Variants in EYS observed in about 807,000 individuals in gnomAD.
EYS encodes protein eyes shut homolog.
In EYS, 250 loss-of-function variants were observed where a neutral mutation model predicts 282.1. The observed-to-expected ratio is 0.89, with a 90% CI of 0.80 to 0.98. The LOEUF is 0.98. Among genes scored for constraint, EYS ranks in the 50% least tolerant of loss-of-function variants. The pLI is 0.00. For synonymous variants in EYS, 1,355 were observed against 1,282.9 expected, an observed-to-expected ratio of 1.06 and a Z score of -1.20; for missense variants, 4,016 against 3,709.0, an observed-to-expected ratio of 1.08 and a Z score of -2.15.
intron 12 of EYS, among the ~76,000 whole-genome samples, chr6:65,121,525 A>C (rs1439937821): frequency 6.6e-6 from 1 of 152,152 alleles, no homozygotes; most frequent in Non-Finnish European, 1.5e-5. Context: ...TTTGTGAAAA[A>C]ACATGTCAAT....
intron 11 of EYS, among the ~76,000 whole-genome samples, chr6:65,302,282 T>C (rs1292037057): frequency 6.6e-6 from 1 of 152,206 alleles, no homozygotes; most frequent in Non-Finnish European, 1.5e-5. Context: ...TTCATTATTA[T>C]TAATTCATGG....
chr6:65,050,131 A>G (rs1489758162), intron 13 of EYS, among the ~76,000 whole-genome samples: 1 of 151,492 alleles, frequency 6.6e-6, no homozygotes, highest in Non-Finnish European at 1.5e-5. Flanking sequence ...TCTAAAATAA[A>G]AATAAGAGAA....
chr6:63,950,367 A>G (rs180797336), intron 35 of EYS, among the ~76,000 whole-genome samples: 40 of 151,996 alleles, frequency 2.6e-4, no homozygotes, highest in African/African-American at 9.4e-4. Flanking sequence ...CTGGCTCAGA[A>G]GCTCCCCCAC....
In EYS at chr6:65,378,846, G is replaced by A. The variant is rs866070865; in HGVS notation, c.1299+5540C>T. On this transcript the variant is annotated intron_variant, in intron 8 of 42. Coordinates refer to ENST00000503581, the MANE Select transcript of EYS (RefSeq NM_001142800.2). ...GGGAGTTGAACAATGAGAACACATG[G>A]AGACAGGGAGGGGAACATCACACAC... Among the ~76,000 whole-genome samples the A allele has an allele frequency of 8.2e-4, 124 of 152,130 alleles. 1 individual carries two copies. Among genetic ancestry groups the A allele is most frequent in the African/African-American group, 2.9e-3 (119 of 41,502 alleles).
At chr6:65,410,938 A>G (rs1038623323) in intron 5 of EYS, among the ~76,000 whole-genome samples, 2 of 152,022 alleles carry the variant, frequency 1.3e-5, no homozygotes, top group African/African-American at 4.8e-5. Context: ...AAAATAAATG[A>G]GTTTTATATT....
At chr6:64,575,209 A>C (rs1026084355) in intron 26 of EYS, among the ~76,000 whole-genome samples, 1 of 152,112 alleles carries the variant, frequency 6.6e-6, no homozygotes, top group African/African-American at 2.4e-5. Context: ...TCCACATGAA[A>C]ATATGGATTG....
intron 19 of EYS, among the ~76,000 whole-genome samples, chr6:64,834,288 G>C (rs1252298669): frequency 6.6e-6 from 1 of 151,818 alleles, no homozygotes; most frequent in East Asian, 1.9e-4. Context: ...GGCACAATAT[G>C]TTAGCACAAC....
chr6:64,899,887 A>T (rs1767598184), intron 18 of EYS, among the ~76,000 whole-genome samples: 2 of 152,152 alleles, frequency 1.3e-5, no homozygotes, highest in Admixed American at 1.3e-4. Context: ...ACTACTTTAA[A>T]TTTCGTATGG....
At chr6:64,839,815 C>T (rs1765506954) in intron 19 of EYS, among the ~76,000 whole-genome samples, 1 of 152,088 alleles carries the variant, frequency 6.6e-6, no homozygotes. Flanking sequence ...GATGGAAGGA[C>T]AAATAGGAAG....
intron 11 of EYS, among the ~76,000 whole-genome samples, chr6:65,333,500 G>A (rs1255412128): frequency 6.6e-6 from 1 of 151,546 alleles, no homozygotes; most frequent in Non-Finnish European, 1.5e-5. Context: ...ATTTAAGAAG[G>A]TTATTCTGCT....
At chr6:64,386,298 T>C (rs1375140278) in intron 29 of EYS, among the ~76,000 whole-genome samples, 1 of 152,188 alleles carries the variant, frequency 6.6e-6, no homozygotes, top group Non-Finnish European at 1.5e-5. Flanking sequence ...GGGTAATTGA[T>C]AAAGGAAAGA....
At chr6:64,155,828 G>T (rs1033583508) in intron 31 of EYS, among the ~76,000 whole-genome samples, 1 of 151,754 alleles carries the variant, frequency 6.6e-6, no homozygotes, top group African/African-American at 2.4e-5. Context: ...GATTACTGAG[G>T]TTCCTTGTGT....
intron 22 of EYS, among the ~76,000 whole-genome samples, chr6:64,780,168 T>C (rs1199162989): frequency 2.6e-5 from 4 of 152,180 alleles, no homozygotes; most frequent in Non-Finnish European, 4.4e-5. Flanking sequence ...ATGACATATG[T>C]AAATGAAGCA....
In EYS at chr6:65,062,853, A is replaced by G. The variant is rs796374283; in HGVS notation, c.2024-5126T>C. On this transcript the variant is annotated intron_variant, in intron 12 of 42. Coordinates refer to ENST00000503581, the MANE Select transcript of EYS (RefSeq NM_001142800.2). The stretch of plus-strand genomic sequence containing the variant: ...ACATCACCGTCTTTTACTTTGCTTT[A>G]TAAAACTTATTACACACATAGACAT... Among the ~76,000 whole-genome samples the G allele has an allele frequency of 1.6e-4, 25 of 152,074 alleles. 1 individual carries two copies. The highest frequency in any genetic ancestry group is 4.6e-4 in the Admixed American group (7 of 15,254).
chr6:64,009,119 T>G (rs1222153498), intron 33 of EYS, among the ~76,000 whole-genome samples: 1 of 152,194 alleles, frequency 6.6e-6, no homozygotes, highest in Non-Finnish European at 1.5e-5. Flanking sequence ...GTAGATTTGG[T>G]CTTTACCTAA....
rs796167701 is a variant in EYS, at chr6:64,390,288, G to A, written c.5928-1448C>T. The stretch of plus-strand genomic sequence containing the variant: ...GAGCCCACCACAGCTCAAGGAGGCC[G>A]GTCTGCCTCTGTAGGCTCCACCTCT... On this transcript the variant is annotated intron_variant, in intron 28 of 42. Transcript: ENST00000503581. 2.7e-4 allele frequency among the ~76,000 whole-genome samples: 41 copies of A among 152,282 alleles called. No individual in the cohort carries two copies. The East Asian group carries it at 3.3e-3, about 12-fold the overall frequency.
chr6:65,294,625 C>A (rs1200317823), intron 12 of EYS, among the ~76,000 whole-genome samples: 2 of 151,670 alleles, frequency 1.3e-5, no homozygotes, highest in Non-Finnish European at 2.9e-5. Context: ...ATCATGTTTG[C>A]AAATACACAT....
chr6:64,541,029 C>T (rs1186832847), intron 26 of EYS, among the ~76,000 whole-genome samples: 2 of 152,216 alleles, frequency 1.3e-5, no homozygotes, highest in Non-Finnish European at 2.9e-5. Context: ...TCCCATGTGT[C>T]TTCCCAATAT....
chr6:64,655,913 C>T (rs1768727475), intron 22 of EYS, among the ~76,000 whole-genome samples: 1 of 151,936 alleles, frequency 6.6e-6, no homozygotes, highest in African/African-American at 2.4e-5. Flanking sequence ...TGAGTTAACA[C>T]CTAAAAATAT....
Sources: gnomAD v4.1 joint callset for allele counts (sites outside exome capture counted in the v4.1 genomes callset) on GRCh38, gnomAD v4.1.1 for gene constraint, MANE v1.5 for transcripts, NCBI Gene and HGNC (gene_info 2026-07-23, HGNC 2026-07-21) for gene names.